Variants in ADCY2 observed in about 807,000 individuals in gnomAD.
ADCY2 encodes the protein adenylate cyclase 2.
ADCY2 carries 31 observed loss-of-function variants against 125.2 expected under a neutral mutation model. That is an observed-to-expected ratio of 0.25 (90% CI 0.19 to 0.33). ADCY2 has a LOEUF of 0.33. ADCY2 is among the 10% of genes least tolerant of loss of function. ADCY2 has a pLI of 1.00. For missense variants in ADCY2, 904 were observed against 1,418.2 expected, an observed-to-expected ratio of 0.64 and a Z score of 5.82; for synonymous variants, 512 against 548.4, an observed-to-expected ratio of 0.93 and a Z score of 0.93.
At chr5:7,819,918 C>T (rs1270970095) in intron 23 of ADCY2, among the ~76,000 whole-genome samples, 1 of 152,194 alleles carries the variant, frequency 6.6e-6, no homozygotes, top group Non-Finnish European at 1.5e-5. Flanking sequence ...TTCCCCACCC[C>T]CAGAGCTGCT....
intron 4 of ADCY2, among the ~76,000 whole-genome samples, chr5:7,675,096 C>T (rs2914307): frequency 0.66 from 98,734 of 150,586 alleles, 32,814 homozygotes; most frequent in East Asian, 0.98. Flanking sequence ...CAGCAGAGCT[C>T]GCAGTGAGCC....
At chr5:7,680,107 G>A (rs895592716) in intron 4 of ADCY2, among the ~76,000 whole-genome samples, 5 of 152,118 alleles carry the variant, frequency 3.3e-5, no homozygotes, top group African/African-American at 1.2e-4. Flanking sequence ...AAAGTCCAGA[G>A]GAGAAGTCTT....
At chr5:7,640,919 T>C (rs182397858) in intron 4 of ADCY2, among the ~76,000 whole-genome samples, 51 of 152,336 alleles carry the variant, frequency 3.3e-4, no homozygotes, top group African/African-American at 1.0e-3. Context: ...CAGCTGTGAA[T>C]GGATTTGGAA....
intron 12 of ADCY2, among the ~76,000 whole-genome samples, chr5:7,720,869 G>A (rs990025128): frequency 2.6e-5 from 4 of 152,168 alleles, no homozygotes; most frequent in South Asian, 2.1e-4. Context: ...ATGTGCATGT[G>A]TCTTTATAGC....
chr5:7,472,119 C>T (rs559017872), intron 2 of ADCY2, among the ~76,000 whole-genome samples: 1 of 152,202 alleles, frequency 6.6e-6, no homozygotes, highest in South Asian at 2.1e-4. Flanking sequence ...GAATTCTCAG[C>T]TATTATGTCT....
chr5:7,544,892 T>A (rs2126565646), intron 3 of ADCY2, among the ~76,000 whole-genome samples: 1 of 152,196 alleles, frequency 6.6e-6, no homozygotes, highest in Admixed American at 6.5e-5. Context: ...CCCGACTGAC[T>A]CCCATGGAGA....
intron 3 of ADCY2, among the ~76,000 whole-genome samples, chr5:7,601,850 C>T (rs1409544139): frequency 6.6e-6 from 1 of 152,186 alleles, no homozygotes; most frequent in Non-Finnish European, 1.5e-5. Context: ...TGCTGTAATA[C>T]ATTACTACAA....
At chr5:7,515,412 G>A (rs1744218058) in intron 2 of ADCY2, among the ~76,000 whole-genome samples, 1 of 152,192 alleles carries the variant, frequency 6.6e-6, no homozygotes, top group Non-Finnish European at 1.5e-5. Context: ...AGAGTTGAGT[G>A]GGGGATTTGC....
In ADCY2 at chr5:7,659,293, C is replaced by T. The variant is rs556896970; in HGVS notation, c.721-31398C>T. On this transcript the variant is annotated intron_variant, in intron 4 of 24. Coordinates refer to ENST00000338316, the MANE Select transcript of ADCY2 (RefSeq NM_020546.3). Reference sequence around the variant, plus strand: ...AACTTAACTAATTACATACATCTCTCCAATGCAGTGCAATTTAAGATGAGA... The same window carrying T: ...AACTTAACTAATTACATACATCTCTTCAATGCAGTGCAATTTAAGATGAGA... Among the ~76,000 whole-genome samples, 5 of 152,330 alleles carry T rather than the reference C, an allele frequency of 3.3e-5. No individual in the cohort carries two copies. In the South Asian group the frequency reaches 1.0e-3, roughly 32 times the overall value.
At chr5:7,670,182 G>A (rs1739885537) in intron 4 of ADCY2, among the ~76,000 whole-genome samples, 1 of 152,136 alleles carries the variant, frequency 6.6e-6, no homozygotes, top group Non-Finnish European at 1.5e-5. Flanking sequence ...TATGAGACCT[G>A]CAAACACTAC....
intron 20 of ADCY2, among the ~76,000 whole-genome samples, chr5:7,792,298 G>A (rs1312587313): frequency 6.6e-6 from 1 of 152,114 alleles, no homozygotes; most frequent in African/African-American, 2.4e-5. Context: ...GGGAGGTTGA[G>A]GCAGGAGAAT....
At chr5:7,478,768 T>C (rs992989511) in intron 2 of ADCY2, among the ~76,000 whole-genome samples, 1 of 152,146 alleles carries the variant, frequency 6.6e-6, no homozygotes, top group Admixed American at 6.6e-5. Context: ...ATTAGAATCA[T>C]CCAAAGGGAT....
rs141556428 is a variant in ADCY2 at position 7,822,464 on chromosome 5, A to C, written c.3123+1775A>C. 5.7e-3 allele frequency among the ~76,000 whole-genome samples: 864 copies of C among 152,368 alleles called. 11 individuals carry two copies. Among genetic ancestry groups the C allele is most frequent in the African/African-American group, 0.02 (830 of 41,600 alleles). ...TAATATCTGTCCCCCTCAGAGGCAC[A>C]AACATCTAGCAACACAGAATGTGTT... On this transcript the variant is annotated intron_variant, in intron 24 of 24. Transcript: ENST00000338316.
chr5:7,459,772 ATTTTTTTTTTTTTTTTTTT>A (rs3033085), intron 2 of ADCY2, among the ~76,000 whole-genome samples: 10 of 72,864 alleles, frequency 1.4e-4, no homozygotes, highest in South Asian at 1.2e-3. Context: ...TTAAGAGGTA[ATTTTTTTTTTTTTTTTTTT>A]TTTTTTTTTT....
intron 4 of ADCY2, among the ~76,000 whole-genome samples, chr5:7,686,483 T>A (rs1173814441): frequency 8.5e-5 from 13 of 152,236 alleles, no homozygotes; most frequent in Non-Finnish European, 1.8e-4. Flanking sequence ...GGCAAGTTAT[T>A]AATCAGATAA....
At chr5:7,598,836 C>T (rs551407559) in intron 3 of ADCY2, among the ~76,000 whole-genome samples, 1 of 152,334 alleles carries the variant, frequency 6.6e-6, no homozygotes, top group South Asian at 2.1e-4. Context: ...AGATGAAGCC[C>T]ATGTCAGCCT....
intron 4 of ADCY2, among the ~76,000 whole-genome samples, chr5:7,682,297 A>G (rs1740364411): frequency 2.0e-5 from 3 of 152,184 alleles, no homozygotes; most frequent in Admixed American, 6.5e-5. Context: ...ATTTCCGTGC[A>G]AAAGAAGAGA....
intron 2 of ADCY2, among the ~76,000 whole-genome samples, chr5:7,469,057 T>C (rs1395726349): frequency 6.6e-6 from 1 of 152,078 alleles, no homozygotes; most frequent in Non-Finnish European, 1.5e-5. Context: ...AAGTGAGTGG[T>C]TACTTTTATG....
intron 2 of ADCY2, among the ~76,000 whole-genome samples, chr5:7,445,610 A>C (rs756890285): frequency 3.9e-5 from 6 of 152,246 alleles, no homozygotes; most frequent in Non-Finnish European, 5.9e-5. Context: ...CAAAAACATT[A>C]CATTTTCCAT....
Sources: gnomAD v4.1 joint callset for allele counts (sites outside exome capture counted in the v4.1 genomes callset) on GRCh38, gnomAD v4.1.1 for gene constraint, MANE v1.5 for transcripts, NCBI Gene and HGNC (gene_info 2026-07-23, HGNC 2026-07-21) for gene names.